The following ZBTB1 variants were observed in gnomAD, a reference collection of about 807,000 sequenced individuals.
ZBTB1 encodes the protein zinc finger and BTB domain-containing protein 1.
In ZBTB1, 13 loss-of-function variants were observed where a neutral mutation model predicts 51.6. That is an observed-to-expected ratio of 0.25 (90% CI 0.16 to 0.40). The LOEUF is 0.40. Among genes scored for constraint, ZBTB1 ranks in the 10% least tolerant of loss-of-function variants. The pLI is 1.00. For missense variants in ZBTB1, 567 were observed against 856.5 expected (o/e 0.66, Z 4.22); for synonymous variants, 240 against 282.2 (o/e 0.85, Z 1.50).
chr14:64,513,513 G>A (rs923640222), intron 1 of ZBTB1, among the ~76,000 whole-genome samples: 7 of 151,920 alleles, frequency 4.6e-5, no homozygotes, highest in African/African-American at 1.5e-4. Context: ...ATAAATACTC[G>A]AAATGCCTCA....
rs909017877 is a variant in ZBTB1, at chr14:64,524,211, C to T, written c.*565C>T. 5.9e-5 allele frequency: 58 copies of T among 984,926 alleles called. No individual in the cohort carries two copies. The highest frequency in any genetic ancestry group is 6.6e-5 in the Non-Finnish European group (55 of 829,786). 61.0% of individuals were successfully genotyped at this position (984,926 alleles called of 1,614,324 possible). A position where few individuals can be genotyped will look rare whatever the true frequency, so the allele number is the denominator to read the frequency against. On this transcript the variant is annotated 3_prime_UTR_variant, in exon 2 of 2. Coordinates refer to ENST00000683701, the MANE Select transcript of ZBTB1 (RefSeq NM_001123329.2). Reference sequence around the variant, plus strand: ...CTAACCTTTAAGGTTGACATGGGCTCAAACTTGGCCTAAAAAGATTGATGA... The same window carrying T: ...CTAACCTTTAAGGTTGACATGGGCTTAAACTTGGCCTAAAAAGATTGATGA...
downstream of ZBTB1, among the ~76,000 whole-genome samples, chr14:64,525,175 T>G (rs746929273): frequency 6.6e-6 from 1 of 152,082 alleles, no homozygotes; most frequent in Non-Finnish European, 1.5e-5. Flanking sequence ...GAGTACAGAT[T>G]TAGTTGAAAG....
chr14:64,511,158 C>T (rs1214820885), intron 1 of ZBTB1: 1 of 152,162 alleles, frequency 6.6e-6, no homozygotes, highest in East Asian at 1.9e-4. Context: ...AGAAGTCCTA[C>T]AAAACGAACC....
At chr14:64,521,397 AGTCATGC>A in intron 1 of ZBTB1, 83 bp from the exon 2 acceptor site, 4 of 859,066 alleles carry the variant, frequency 4.7e-6, no homozygotes, top group Non-Finnish European at 6.3e-6. Flanking sequence ...TTGTAATAGC[AGTCATGC>A]AAGTCACAAA....
At chr14:64,533,076 T>C (rs2079954831) in exon 3 of ZBTB1, 1 of 152,120 alleles carries the variant, frequency 6.6e-6, no homozygotes, top group Non-Finnish European at 1.5e-5. Flanking sequence ...ATAGTATTCT[T>C]AATAGTATGT....
At chr14:64,527,306 C>T (rs148748840), downstream of ZBTB1, among the ~76,000 whole-genome samples, 275 of 152,074 alleles carry the variant, frequency 1.8e-3, no homozygotes, top group Middle Eastern at 3.4e-3. Context: ...AAAACCCCAC[C>T]TCTACTAAAA....
intron 1 of ZBTB1, among the ~76,000 whole-genome samples, chr14:64,518,704 T>C (rs1217574677): frequency 1.3e-5 from 2 of 152,026 alleles, no homozygotes; most frequent in Non-Finnish European, 2.9e-5. Context: ...AGAAGATAGA[T>C]TCTGAAGCTT....
At chr14:64,509,860 C>G (rs1445627308) in intron 1 of ZBTB1, among the ~76,000 whole-genome samples, 1 of 151,730 alleles carries the variant, frequency 6.6e-6, no homozygotes, top group Non-Finnish European at 1.5e-5. Flanking sequence ...GCCTGTAGTC[C>G]CAGCTACTCT....
intron 1 of ZBTB1, among the ~76,000 whole-genome samples, chr14:64,509,837 C>T (rs1011369923): frequency 6.6e-6 from 1 of 151,516 alleles, no homozygotes; most frequent in Non-Finnish European, 1.5e-5. Flanking sequence ...ATTGGCCGGG[C>T]GTGGTGGTGG....
rs1220039123 is a variant in ZBTB1 at position 64,521,951 on chromosome 14, G to A, written c.447G>A (p.Val149=). The change falls in exon 2 of 2, where the codon GTG becomes GTA. Residue 149 remains valine (V), a synonymous_variant. Transcript: ENST00000683701. ...GGGTAAGAATGTATGAAGATACTGT[G>A]GCTCGAAATGGCAATGAAGCCAACA... ...IFGVRMYEDT[V]ARNGNEANRW... The A allele has an allele frequency of 1.2e-6, 2 of 1,614,234 alleles. No homozygotes were observed. The highest frequency in any genetic ancestry group is 2.2e-5 in the South Asian group (2 of 91,084).
At position 64,524,284 on chromosome 14, in the gene ZBTB1, A is replaced by G. The variant is rs956609991; in HGVS notation, c.*638A>G. ...GAATATTTCCTATAATTGATAAAAT[A>G]TTATCATTTAATTATCACATTTAAA... On this transcript the variant is annotated 3_prime_UTR_variant, in exon 2 of 2. Coordinates refer to ENST00000683701, the MANE Select transcript of ZBTB1 (RefSeq NM_001123329.2). 15 of 945,266 alleles carry G rather than the reference A, an allele frequency of 1.6e-5. No individual in the cohort carries two copies. The highest frequency in any genetic ancestry group is 1.9e-5 in the Non-Finnish European group (15 of 793,788). 58.6% of individuals were successfully genotyped at this position (945,266 alleles called of 1,614,324 possible). A position where few individuals can be genotyped will look rare whatever the true frequency, so the allele number is the denominator to read the frequency against.
intron 1 of ZBTB1, among the ~76,000 whole-genome samples, chr14:64,506,986 A>G (rs895960744): frequency 6.6e-6 from 1 of 152,284 alleles, no homozygotes; most frequent in African/African-American, 2.4e-5. Context: ...TAGTTCATCG[A>G]CCTTTTTAAG....
chr14:64,513,612 C>T lies in ZBTB1; in HGVS notation c.-18-7875C>T, dbSNP rs147298675. Among the ~76,000 whole-genome samples, 64 of 152,236 alleles carry T rather than the reference C, an allele frequency of 4.2e-4. No homozygotes were observed. The East Asian group carries it at 0.011, about 27-fold the overall frequency. Reference sequence around the variant, plus strand: ...AAGCCTACTATTTTGGTATAATTAACGCTTTTCTTCTAAACTCTTGCTGAA... The same window carrying T: ...AAGCCTACTATTTTGGTATAATTAATGCTTTTCTTCTAAACTCTTGCTGAA... On this transcript the variant is annotated intron_variant, in intron 1 of 1. Transcript: ENST00000683701.
At chr14:64,528,766 T>C (rs1364529150), downstream of ZBTB1, among the ~76,000 whole-genome samples, 1 of 152,200 alleles carries the variant, frequency 6.6e-6, no homozygotes, top group Non-Finnish European at 1.5e-5. Flanking sequence ...ATAATTTTAA[T>C]TAATCCCCAC....
chr14:64,522,318 G>T lies in ZBTB1; in HGVS notation c.814G>T (p.Asp272Tyr), dbSNP rs201748449. The T allele has an allele frequency of 5.2e-5, 84 of 1,614,164 alleles. No homozygotes were observed. The highest frequency in any genetic ancestry group is 4.9e-4 in the Middle Eastern group (3 of 6,062). The part of the protein sequence containing the change: ...SNIKAEFGEK[D>Y]SSKTFSAQTD... The stretch of plus-strand genomic sequence containing the variant: ...CATCAAAGCTGAATTTGGTGAAAAA[G>T]ATTCTTCCAAAACATTTTCTGCACA... The change falls in exon 2 of 2, where the codon GAT (aspartate) becomes TAT (tyrosine). Residue 272 changes from aspartate (D) to tyrosine (Y), a missense_variant. Asp to Tyr is a radical substitution (Grantham distance 160). This residue lies in a region of ZBTB1 where 329 missense variants were observed against 406.3 expected (regional missense o/e 0.81). Transcript: ENST00000683701.
At chr14:64,518,326 G>C (rs1363538370) in intron 1 of ZBTB1, 1 of 152,102 alleles carries the variant, frequency 6.6e-6, no homozygotes, top group Non-Finnish European at 1.5e-5. Flanking sequence ...ACAGATACCT[G>C]AGTTACAGAG....
chr14:64,512,704 A>C (rs1423961415), intron 1 of ZBTB1, among the ~76,000 whole-genome samples: 1 of 152,216 alleles, frequency 6.6e-6, no homozygotes, highest in Non-Finnish European at 1.5e-5. Context: ...ATAGTGCATA[A>C]AATTTTCTAA....
chr14:64,514,912 A>G (rs1333268792), intron 1 of ZBTB1, among the ~76,000 whole-genome samples: 5 of 152,204 alleles, frequency 3.3e-5, no homozygotes, highest in African/African-American at 9.7e-5. Flanking sequence ...CTGATACATT[A>G]AAAACCATGT....
Position 64,521,831 on chromosome 14 carries a change from T to C in ZBTB1, c.327T>C (p.Val109=). The stretch of plus-strand genomic sequence containing the variant: ...TGAACTACCTACAGCTATACAATGT[T>C]CCTGACTGTTTAGAAGACATCCAGG... ...VAMNYLQLYN[V]PDCLEDIQDA... The change falls in exon 2 of 2, where the codon GTT becomes GTC. Residue 109 remains valine (V), a synonymous_variant. Transcript: ENST00000683701. 6.2e-7 allele frequency: 1 copy of C among 1,612,086 alleles called. No individual in the cohort carries two copies. Among genetic ancestry groups the C allele is most frequent in the Middle Eastern group, 1.6e-4 (1 of 6,062 alleles).
Sources: gnomAD v4.1 joint callset for allele counts (sites outside exome capture counted in the v4.1 genomes callset) on GRCh38, gnomAD v4.1.1 for gene constraint, gnomAD v4.1.1 regional missense constraint, MANE v1.5 for transcripts, NCBI Gene and HGNC (gene_info 2026-07-23, HGNC 2026-07-21) for gene names.